The following ELAPOR2 variants were observed in gnomAD, a reference collection of about 807,000 sequenced individuals.
The protein encoded by ELAPOR2 is endosome-lysosome associated apoptosis and autophagy regulator family member 2, also known as endosome/lysosome-associated apoptosis and autophagy regulator family member 2.
In ELAPOR2, 89 loss-of-function variants were observed where a neutral mutation model predicts 120.7. The observed-to-expected ratio is 0.74, with a 90% CI of 0.62 to 0.88. The LOEUF is 0.88. Among genes scored for constraint, ELAPOR2 ranks in the 40% least tolerant of loss-of-function variants. ELAPOR2 has a pLI of 0.00. For missense variants in ELAPOR2, 1,134 were observed against 1,251.6 expected (o/e 0.91, Z 1.42); for synonymous variants, 444 against 444.9 (o/e 1.00, Z 0.03).
chr7:86,912,915 G>T, intron 14 of ELAPOR2, 26 bp downstream of exon 14: 2 of 1,608,146 alleles, frequency 1.2e-6, no homozygotes, highest in Non-Finnish European at 1.7e-6. Context: ...CTTTCATGGG[G>T]ATACCTGAAA....
At chr7:86,915,455 ATTTATTT>A (rs1789527520) in intron 12 of ELAPOR2, among the ~76,000 whole-genome samples, 1 of 151,870 alleles carries the variant, frequency 6.6e-6, no homozygotes, top group Non-Finnish European at 1.5e-5. Context: ...TTTATTTATT[ATTTATTT>A]AACTAAATTC....
At chr7:87,025,708 T>G (rs1049437051) in intron 1 of ELAPOR2, among the ~76,000 whole-genome samples, 4 of 152,146 alleles carry the variant, frequency 2.6e-5, no homozygotes, top group African/African-American at 9.6e-5. Flanking sequence ...GGCCAATTTT[T>G]TACATAATAT....
chr7:86,886,230 GC>G (rs1223442526), intron 21 of ELAPOR2, among the ~76,000 whole-genome samples: 21 of 152,204 alleles, frequency 1.4e-4, no homozygotes, highest in African/African-American at 4.6e-4. Flanking sequence ...AGGAAAAACA[GC>G]CCAGCACTTT....
intron 1 of ELAPOR2, among the ~76,000 whole-genome samples, chr7:86,985,502 T>G (rs12704308): frequency 6.6e-6 from 1 of 151,892 alleles, no homozygotes; most frequent in African/African-American, 2.4e-5. Flanking sequence ...ACAATCAAGT[T>G]GGCTTCAGCC....
intron 1 of ELAPOR2, among the ~76,000 whole-genome samples, chr7:87,043,219 C>T (rs1213235314): frequency 1.1e-4 from 16 of 151,722 alleles, no homozygotes; most frequent in Admixed American, 2.0e-4. Flanking sequence ...TGAAACTATT[C>T]CAATCAATAG....
chr7:86,961,329 T>G (rs1435427426), intron 2 of ELAPOR2, among the ~76,000 whole-genome samples: 1 of 152,146 alleles, frequency 6.6e-6, no homozygotes, highest in African/African-American at 2.4e-5. Context: ...TATATTAAGG[T>G]TGTACCTGAA....
chr7:87,017,349 C>T (rs919237524), intron 1 of ELAPOR2, among the ~76,000 whole-genome samples: 7 of 152,140 alleles, frequency 4.6e-5, no homozygotes, highest in African/African-American at 1.7e-4. Context: ...CGATGGGGAA[C>T]TGCTGAAATA....
At chr7:86,934,291 T>G (rs1790465301) in intron 8 of ELAPOR2, among the ~76,000 whole-genome samples, 1 of 152,036 alleles carries the variant, frequency 6.6e-6, no homozygotes, top group South Asian at 2.1e-4. Flanking sequence ...TGCATCTGTA[T>G]AGTGCCTTAC....
intron 1 of ELAPOR2, among the ~76,000 whole-genome samples, chr7:87,026,672 A>G (rs985719801): frequency 2.6e-5 from 4 of 152,100 alleles, no homozygotes; most frequent in Non-Finnish European, 5.9e-5. Context: ...TACATTTTCT[A>G]TTCCACAGTT....
chr7:86,877,088 G>A lies in ELAPOR2; in HGVS notation c.*3383C>T, dbSNP rs909345363. On this transcript the variant is annotated 3_prime_UTR_variant, in exon 22 of 22. Transcript: ENST00000450689. ...ACAAAAAAAATGTTTGCTGGGCTCTGATCTAGACAAGTGTAATCATAATAG... is the reference window on the plus strand; with the variant it reads ...ACAAAAAAAATGTTTGCTGGGCTCTAATCTAGACAAGTGTAATCATAATAG... 6.6e-6 allele frequency: 1 copy of A among 152,124 alleles called. No homozygotes were observed. The highest frequency in any genetic ancestry group is 2.4e-5 in the African/African-American group (1 of 41,430). 9.4% of individuals were successfully genotyped at this position (152,124 alleles called of 1,614,324 possible).
rs367814924 is a variant in ELAPOR2 at position 87,053,152 on chromosome 7, T to C, written c.189+6173A>G. ...AATCTGGCACAACCAAGAGGATATGTTGATTAGAATTAAATGTACCATAAA... is the reference window on the plus strand; with the variant it reads ...AATCTGGCACAACCAAGAGGATATGCTGATTAGAATTAAATGTACCATAAA... On this transcript the variant is annotated intron_variant, in intron 1 of 21. Coordinates refer to ENST00000450689, the MANE Select transcript of ELAPOR2 (RefSeq NM_001142749.3). Among the ~76,000 whole-genome samples, 273 of 152,308 alleles carry C rather than the reference T, an allele frequency of 1.8e-3. 6 individuals are homozygous for C. The South Asian group carries it at 0.053, about 30-fold the overall frequency.
chr7:87,039,797 C>G (rs935198666), intron 1 of ELAPOR2, among the ~76,000 whole-genome samples: 1 of 152,214 alleles, frequency 6.6e-6, no homozygotes, highest in Non-Finnish European at 1.5e-5. Context: ...CAGCTCTGGT[C>G]TACAGCTCCC....
At chr7:86,924,665 C>A (rs1249474313) in intron 10 of ELAPOR2, among the ~76,000 whole-genome samples, 1 of 151,934 alleles carries the variant, frequency 6.6e-6, no homozygotes, top group African/African-American at 2.4e-5. Context: ...CTCTTTCACT[C>A]ATCTGTTTAA....
intron 9 of ELAPOR2, among the ~76,000 whole-genome samples, chr7:86,926,346 A>G (rs190595442): frequency 6.6e-6 from 1 of 152,156 alleles, no homozygotes; most frequent in East Asian, 1.9e-4. Context: ...GTACTACAGA[A>G]GGCATGTTTA....
At chr7:86,994,039 G>A (rs911764615) in intron 1 of ELAPOR2, among the ~76,000 whole-genome samples, 1 of 152,010 alleles carries the variant, frequency 6.6e-6, no homozygotes, top group Non-Finnish European at 1.5e-5. Context: ...CTTTCTTATT[G>A]CAAAACTTAT....
At chr7:86,940,772 C>T (rs1485773211) in intron 5 of ELAPOR2, among the ~76,000 whole-genome samples, 1 of 151,708 alleles carries the variant, frequency 6.6e-6, no homozygotes, top group Non-Finnish European at 1.5e-5. Flanking sequence ...TCTTATTTAC[C>T]CCCCTTATTC....
intron 1 of ELAPOR2, among the ~76,000 whole-genome samples, chr7:87,049,352 G>T (rs1257576427): frequency 6.6e-6 from 1 of 152,060 alleles, no homozygotes; most frequent in Non-Finnish European, 1.5e-5. Context: ...CCTGATCTCG[G>T]CTCACTGCAA....
intron 1 of ELAPOR2, among the ~76,000 whole-genome samples, chr7:87,026,161 A>G (rs150121547): frequency 3.3e-5 from 5 of 152,204 alleles, no homozygotes; most frequent in Admixed American, 3.3e-4. Context: ...GAAAGCTGGA[A>G]GAGTTGTGAT....
At chr7:86,944,812 G>T in intron 4 of ELAPOR2, 87 bp downstream of exon 4, 1 of 1,105,062 alleles carries the variant, frequency 9.0e-7, no homozygotes, top group Non-Finnish European at 1.2e-6. Context: ...AACTGAGGAG[G>T]AATAAAGTGG....
Sources: gnomAD v4.1 joint callset for allele counts (sites outside exome capture counted in the v4.1 genomes callset) on GRCh38, gnomAD v4.1.1 for gene constraint, MANE v1.5 for transcripts, NCBI Gene and HGNC (gene_info 2026-07-23, HGNC 2026-07-21) for gene names.